TNRC6A: variants seen among roughly 807,000 people sequenced by gnomAD.
The protein encoded by TNRC6A is trinucleotide repeat-containing gene 6A protein.
In TNRC6A, 44 loss-of-function variants were observed where a neutral mutation model predicts 221.2. The ratio of observed to expected loss-of-function variants is 0.20; its 90% CI spans 0.16 to 0.26. The LOEUF is 0.26. TNRC6A is among the 10% of genes least tolerant of loss of function. TNRC6A has a pLI of 1.00. For synonymous variants in TNRC6A, 847 were observed against 838.5 expected (o/e 1.01, Z -0.18); for missense variants, 2,199 against 2,404.4 (o/e 0.91, Z 1.79).
At chr16:24,723,989 AC>A (rs2056453764) in intron 2 of TNRC6A, among the ~76,000 whole-genome samples, 3 of 152,082 alleles carry the variant, frequency 2.0e-5, no homozygotes, top group Admixed American at 2.0e-4. Context: ...CCTCTTCCAA[AC>A]ATTTACATAA....
At chr16:24,707,234 G>T (rs537841983) in intron 2 of TNRC6A, among the ~76,000 whole-genome samples, 1 of 152,138 alleles carries the variant, frequency 6.6e-6, no homozygotes, top group Non-Finnish European at 1.5e-5. Flanking sequence ...GACCTCAAGT[G>T]ATCCACCTGC....
intron 4 of TNRC6A, among the ~76,000 whole-genome samples, chr16:24,773,254 A>G (rs2057650484): frequency 6.6e-6 from 1 of 152,082 alleles, no homozygotes; most frequent in Admixed American, 6.6e-5. Flanking sequence ...CTTAAAATGT[A>G]TTGTATGCAG....
At chr16:24,793,064 C>T (rs2058143681) in intron 6 of TNRC6A, among the ~76,000 whole-genome samples, 1 of 152,144 alleles carries the variant, frequency 6.6e-6, no homozygotes, top group Non-Finnish European at 1.5e-5. Context: ...GCTGGGATTA[C>T]AGGCATCAGC....
intron 1 of TNRC6A, among the ~76,000 whole-genome samples, chr16:24,623,190 T>TTTATTTATTTATTTACTTAC (rs367608685): frequency 1.4e-5 from 2 of 147,896 alleles, no homozygotes; most frequent in African/African-American, 5.0e-5. Context: ...TATTTATTTA[T>TTTATTTATTTATTTACTTAC]TTACTTATTT....
At chr16:24,646,830 T>C (rs1225248075) in intron 2 of TNRC6A, among the ~76,000 whole-genome samples, 1 of 152,250 alleles carries the variant, frequency 6.6e-6, no homozygotes, top group Non-Finnish European at 1.5e-5. Context: ...TTCCAAAATT[T>C]GAATCCATTT....
chr16:24,776,309 A>G (rs746643433), intron 4 of TNRC6A: 50 of 984,082 alleles, frequency 5.1e-5, no homozygotes, highest in Non-Finnish European at 5.8e-5. Context: ...TATTTATCTC[A>G]TTTTGATTCA....
rs565013616 is a variant in TNRC6A at position 24,690,263 on chromosome 16, G to A, written n.402+49254G>A. 2.0e-5 allele frequency among the ~76,000 whole-genome samples: 3 copies of A among 152,128 alleles called. No individual in the cohort carries two copies. In the South Asian group the frequency reaches 6.2e-4, roughly 32 times the overall value. ...GACCTTAAGTGATCCTCCCATCTCAGTGTCCCAAAGTGCTGAGATTACAGG... is the reference window on the plus strand; with the variant it reads ...GACCTTAAGTGATCCTCCCATCTCAATGTCCCAAAGTGCTGAGATTACAGG... On this transcript the variant is annotated intron_variant and non_coding_transcript_variant, in intron 2 of 2. Transcript: ENST00000566108.
intron 2 of TNRC6A, among the ~76,000 whole-genome samples, chr16:24,704,787 T>C (rs1250814135): frequency 6.6e-6 from 1 of 151,848 alleles, no homozygotes; most frequent in East Asian, 1.9e-4. Context: ...TGCACTTTTC[T>C]GGGTGCATGC....
chr16:24,763,710 T>A (rs1478901827), intron 4 of TNRC6A, among the ~76,000 whole-genome samples: 1 of 152,214 alleles, frequency 6.6e-6, no homozygotes, highest in African/African-American at 2.4e-5. Context: ...TCACTGGTAA[T>A]AAGCATGAAC....
intron 5 of TNRC6A, among the ~76,000 whole-genome samples, chr16:24,782,563 A>T (rs2057874002): frequency 6.6e-6 from 1 of 152,126 alleles, no homozygotes; most frequent in Non-Finnish European, 1.5e-5. Context: ...ACCAGATGAG[A>T]CATTTTGAAT....
At chr16:24,806,506 G>A in intron 16 of TNRC6A, 68 bp from the exon 17 acceptor site, 1 of 1,569,190 alleles carries the variant, frequency 6.4e-7, no homozygotes, top group Non-Finnish European at 8.8e-7. Context: ...AAAATGGAGA[G>A]GAATATGTAG....
At chr16:24,731,616 A>AT (rs2056644608) in intron 2 of TNRC6A, among the ~76,000 whole-genome samples, 1 of 152,244 alleles carries the variant, frequency 6.6e-6, no homozygotes, top group South Asian at 2.1e-4. Context: ...AGGTTGAGCC[A>AT]TTAAGGTGTA....
At chr16:24,678,025 T>C (rs1242341945) in intron 2 of TNRC6A, among the ~76,000 whole-genome samples, 3 of 151,998 alleles carry the variant, frequency 2.0e-5, no homozygotes, top group Non-Finnish European at 4.4e-5. Flanking sequence ...AAATAGAATA[T>C]GGGGCTGAGC....
At chr16:24,772,487 C>T (rs1305387500) in intron 4 of TNRC6A, among the ~76,000 whole-genome samples, 1 of 151,686 alleles carries the variant, frequency 6.6e-6, no homozygotes, top group African/African-American at 2.4e-5. Context: ...AGTGCAAAAC[C>T]CTGCCTAAAA....
At position 24,772,101 on chromosome 16, in the gene TNRC6A, A is replaced by G. The variant is rs111604456; in HGVS notation, c.164-4832A>G. On this transcript the variant is annotated intron_variant, in intron 4 of 24. Transcript: ENST00000395799. ...CTTGCCAACCCCTGTTGTATAACAT[A>G]GTTCAATTTAGTTGGGTTTTGTTTT... is the stretch of plus-strand genomic sequence containing the variant. 7.9e-5 allele frequency among the ~76,000 whole-genome samples: 12 copies of G among 152,324 alleles called. 1 individual carries two copies. The highest frequency in any genetic ancestry group is 2.6e-4 in the African/African-American group (11 of 41,576).
At chr16:24,706,165 T>G (rs1465537003) in intron 2 of TNRC6A, among the ~76,000 whole-genome samples, 1 of 152,172 alleles carries the variant, frequency 6.6e-6, no homozygotes, top group East Asian at 1.9e-4. Context: ...AAATACACAC[T>G]TTGTTCATCA....
intron 1 of TNRC6A, among the ~76,000 whole-genome samples, chr16:24,620,126 A>G (rs1393340843): frequency 3.3e-5 from 5 of 151,514 alleles, no homozygotes; most frequent in Non-Finnish European, 7.4e-5. Flanking sequence ...TGGGAGACAG[A>G]GCAAGACCCA....
chr16:24,789,592 A>G lies in TNRC6A; in HGVS notation c.950A>G (p.His317Arg), dbSNP rs202000477. ...AGTACTGGGCCATGGGGTTTTTCCC[A>G]TGGAGCCATAATAAGCACATGTCAG... ...GSSTGPWGFS[H>R]GAIISTCQVS... Residue 317 changes from histidine (H) to arginine (R), a missense_variant, in exon 6 of 25, where the codon CAT (histidine) becomes CGT (arginine). By Grantham distance (29) the His-to-Arg change is conservative. Coordinates refer to ENST00000395799, the MANE Select transcript of TNRC6A (RefSeq NM_014494.4). 98 of 1,614,024 alleles carry G rather than the reference A, an allele frequency of 6.1e-5. No individual in the cohort carries two copies. Among genetic ancestry groups the G allele is most frequent in the Admixed American group, 2.0e-4 (12 of 60,012 alleles).
At chr16:24,795,098 C>T (rs949342544) in intron 8 of TNRC6A, among the ~76,000 whole-genome samples, 2 of 152,138 alleles carry the variant, frequency 1.3e-5, no homozygotes, top group Non-Finnish European at 2.9e-5. Context: ...CCCCGCCACC[C>T]GCTTACCCAG....
Sources: gnomAD v4.1 joint callset for allele counts (sites outside exome capture counted in the v4.1 genomes callset) on GRCh38, gnomAD v4.1.1 for gene constraint, MANE v1.5 for transcripts, NCBI Gene and HGNC (gene_info 2026-07-23, HGNC 2026-07-21) for gene names.